DLC1: variants seen among roughly 807,000 people sequenced by gnomAD.
The protein encoded by DLC1 is rho GTPase-activating protein 7.
In DLC1, 54 loss-of-function variants were observed where a neutral mutation model predicts 140.3. The ratio of observed to expected loss-of-function variants is 0.38; its 90% CI spans 0.31 to 0.48. The LOEUF (loss-of-function observed/expected upper bound fraction) is 0.48, where lower values mean the gene tolerates loss of function less well. DLC1 is among the 20% of genes least tolerant of loss of function. The pLI is 0.96. For missense variants in DLC1, 2,536 were observed against 1,907.0 expected, an observed-to-expected ratio of 1.33 and a Z score of -6.14; for synonymous variants, 986 against 728.1, an observed-to-expected ratio of 1.35 and a Z score of -5.70.
At chr8:13,435,977 G>C (rs555278310) in intron 2 of DLC1, among the ~76,000 whole-genome samples, 5 of 152,324 alleles carry the variant, frequency 3.3e-5, no homozygotes, top group African/African-American at 9.6e-5. Context: ...AGATTGAGCT[G>C]CTGAAAGTTC....
At chr8:13,173,393 G>C (rs1350501555) in intron 5 of DLC1, among the ~76,000 whole-genome samples, 1 of 80,562 alleles carries the variant, frequency 1.2e-5, no homozygotes, top group African/African-American at 4.9e-5. Context: ...TTTTTTTTGA[G>C]ACGGAGTCTT....
chr8:13,100,345 C>A lies in DLC1; in HGVS notation c.1992G>T (p.Thr664=). The A allele has an allele frequency of 6.2e-7, 1 of 1,614,190 alleles. No individual in the cohort carries two copies. The highest frequency in any genetic ancestry group is 1.3e-5 in the African/African-American group (1 of 75,064). Residue 664 remains threonine, a synonymous_variant, in exon 9 of 18, where the codon ACG becomes ACT. Coordinates refer to ENST00000276297, the MANE Select transcript of DLC1 (RefSeq NM_182643.3). ...KGHEKTAKSK[T]RSLLKRMESL... Reference sequence around the variant, plus strand: ...TCTCCATCCGTTTCAGCAGACTGCGCGTCTTGGACTTGGCAGTTTTTTCGT... The same window carrying A: ...TCTCCATCCGTTTCAGCAGACTGCGAGTCTTGGACTTGGCAGTTTTTTCGT...
At chr8:13,516,664 A>G (rs934534206), upstream of DLC1, among the ~76,000 whole-genome samples, 1 of 152,226 alleles carries the variant, frequency 6.6e-6, no homozygotes, top group Non-Finnish European at 1.5e-5. Flanking sequence ...GACTAAAAAC[A>G]TGAGCATTTA....
intron 5 of DLC1, among the ~76,000 whole-genome samples, chr8:13,248,730 C>G (rs1214403252): frequency 1.3e-5 from 2 of 152,180 alleles, no homozygotes; most frequent in Non-Finnish European, 2.9e-5. Flanking sequence ...CATCCCATGT[C>G]TCCCTCTCCA....
chr8:13,414,638 A>C (rs776937653), intron 2 of DLC1, among the ~76,000 whole-genome samples: 1 of 152,228 alleles, frequency 6.6e-6, no homozygotes, highest in African/African-American at 2.4e-5. Flanking sequence ...ATGGGACTCT[A>C]TATGGAAAAG....
Position 13,475,118 on chromosome 8 carries a change from A to G in DLC1, c.1023+23931T>C, listed in dbSNP as rs569050760. On this transcript the variant is annotated intron_variant, in intron 2 of 17. Transcript: ENST00000276297. Reference sequence around the variant, plus strand: ...GTGAGCCACTGCATCCAGCAAAATGACATTTTTTTTTAATAAGCCAAAGAG... The same window carrying G: ...GTGAGCCACTGCATCCAGCAAAATGGCATTTTTTTTTAATAAGCCAAAGAG... 1.3e-4 allele frequency among the ~76,000 whole-genome samples: 4 copies of G among 30,758 alleles called. No homozygotes were observed. The South Asian group carries it at 5.9e-3, about 45-fold the overall frequency. The allele number at this position is 30,758 out of a possible 152,430, so 20.2% of individuals were successfully genotyped here. A position where few individuals can be genotyped will look rare whatever the true frequency, so the allele number is the denominator to read the frequency against.
chr8:13,338,103 A>T (rs1038270294), intron 4 of DLC1, among the ~76,000 whole-genome samples: 1 of 152,150 alleles, frequency 6.6e-6, no homozygotes, highest in Non-Finnish European at 1.5e-5. Flanking sequence ...GTTCTGTGCA[A>T]TTGAAAGAAC....
At chr8:13,378,719 A>G (rs1456021287) in intron 4 of DLC1, among the ~76,000 whole-genome samples, 2 of 152,180 alleles carry the variant, frequency 1.3e-5, no homozygotes, top group African/African-American at 2.4e-5. Context: ...AGCCTGAAAG[A>G]TGAACAGAAC....
chr8:13,370,020 G>C (rs916973203), intron 4 of DLC1, among the ~76,000 whole-genome samples: 2 of 150,626 alleles, frequency 1.3e-5, no homozygotes, highest in Non-Finnish European at 2.9e-5. Flanking sequence ...CCAGAAGAAT[G>C]ACCTCCTGTG....
intron 4 of DLC1, among the ~76,000 whole-genome samples, chr8:13,326,811 G>A (rs991225416): frequency 3.3e-5 from 5 of 152,248 alleles, no homozygotes; most frequent in African/African-American, 1.2e-4. Context: ...GCACTGCTCC[G>A]GCTCTAGGAA....
chr8:13,179,990 A>T (rs888697612), intron 5 of DLC1, among the ~76,000 whole-genome samples: 1 of 152,086 alleles, frequency 6.6e-6, no homozygotes, highest in Non-Finnish European at 1.5e-5. Flanking sequence ...TCTCTTTAAA[A>T]CGTGAACACA....
chr8:13,571,791 C>T (rs932216286), intron 1 of DLC1, among the ~76,000 whole-genome samples: 1 of 152,160 alleles, frequency 6.6e-6, no homozygotes. Flanking sequence ...CACATTATTT[C>T]TACAGCAGTT....
At position 13,476,985 on chromosome 8, in the gene DLC1, C is replaced by A. The variant is rs1340157655; in HGVS notation, c.1023+22064G>T. ...CAAGGGAAGTTGTGCTTTTCTCCTACATCAACCTTACTGAAAACAGAGAGT... is the reference window on the plus strand; with the variant it reads ...CAAGGGAAGTTGTGCTTTTCTCCTAAATCAACCTTACTGAAAACAGAGAGT... On this transcript the variant is annotated intron_variant, in intron 2 of 17. Coordinates refer to ENST00000276297, the MANE Select transcript of DLC1 (RefSeq NM_182643.3). 2.6e-5 allele frequency among the ~76,000 whole-genome samples: 4 copies of A among 152,194 alleles called. No individual in the cohort carries two copies. In the East Asian group the frequency reaches 7.7e-4, roughly 29 times the overall value.
chr8:13,598,035 G>T (rs1370128347), intron 1 of DLC1, among the ~76,000 whole-genome samples: 3 of 152,106 alleles, frequency 2.0e-5, no homozygotes, highest in Admixed American at 2.0e-4. Context: ...GCCACTTGTA[G>T]TGGTCTGTCC....
intron 1 of DLC1, among the ~76,000 whole-genome samples, chr8:13,503,167 G>A (rs2117216624): frequency 6.6e-6 from 1 of 152,304 alleles, no homozygotes; most frequent in Non-Finnish European, 1.5e-5. Flanking sequence ...CACTTTGGGA[G>A]GCTGAGGTGT....
At chr8:13,169,646 A>G (rs140608232) in intron 5 of DLC1, among the ~76,000 whole-genome samples, 2 of 152,262 alleles carry the variant, frequency 1.3e-5, no homozygotes, top group African/African-American at 4.8e-5. Flanking sequence ...TGAAAAATAA[A>G]AGAGGTGGTC....
intron 2 of DLC1, among the ~76,000 whole-genome samples, chr8:13,447,582 C>T (rs1051883600): frequency 3.3e-5 from 5 of 152,130 alleles, no homozygotes; most frequent in African/African-American, 9.6e-5. Flanking sequence ...AAGAAAAAAA[C>T]GTTCATTAGA....
intron 5 of DLC1, among the ~76,000 whole-genome samples, chr8:13,121,877 C>G (rs1271714853): frequency 6.6e-6 from 1 of 152,108 alleles, no homozygotes; most frequent in African/African-American, 2.4e-5. Context: ...AAAACACCGA[C>G]CATCCCCTCC....
upstream of DLC1, among the ~76,000 whole-genome samples, chr8:13,515,249 A>G (rs145066897): frequency 1.3e-5 from 2 of 152,304 alleles, no homozygotes; most frequent in Non-Finnish European, 2.9e-5. Context: ...TTTAGCCTTA[A>G]TACCATAATT....
Sources: allele counts gnomAD v4.1 joint callset (sites outside exome capture counted in the v4.1 genomes callset), GRCh38; gene constraint gnomAD v4.1.1; transcripts MANE v1.5; gene names NCBI Gene and HGNC (gene_info 2026-07-23, HGNC 2026-07-21).